FSIP1: variants seen among roughly 807,000 people sequenced by gnomAD.
FSIP1 encodes the protein fibrous sheath interacting protein 1.
FSIP1 carries 65 observed loss-of-function variants against 60.9 expected under a neutral mutation model. The observed-to-expected ratio is 1.07, with a 90% CI of 0.87 to 1.31. The LOEUF is 1.31. Among genes scored for constraint, FSIP1 ranks in the 40% most tolerant of loss-of-function variants. FSIP1 has a pLI of 0.00. For synonymous variants in FSIP1, 209 were observed against 221.2 expected, an observed-to-expected ratio of 0.94 and a Z score of 0.49; for missense variants, 675 against 665.5, an observed-to-expected ratio of 1.01 and a Z score of -0.16.
chr15:39,685,803 C>A (rs749145028), intron 10 of FSIP1, among the ~76,000 whole-genome samples: 2 of 152,108 alleles, frequency 1.3e-5, no homozygotes, highest in Non-Finnish European at 2.9e-5. Context: ...CAAGAAAGGC[C>A]TTTAATGAAA....
chr15:39,641,204 T>C (rs1490946094), intron 10 of FSIP1, among the ~76,000 whole-genome samples: 2 of 152,204 alleles, frequency 1.3e-5, no homozygotes, highest in Non-Finnish European at 2.9e-5. Context: ...AAAATTTTTC[T>C]ATGCCTAATT....
At chr15:39,642,363 A>G (rs548789748) in intron 10 of FSIP1, among the ~76,000 whole-genome samples, 1 of 152,268 alleles carries the variant, frequency 6.6e-6, no homozygotes, top group South Asian at 2.1e-4. Flanking sequence ...CCTAGCCTGG[A>G]GTGCTAGGCA....
Position 39,729,679 on chromosome 15 carries a change from C to A in FSIP1, c.892-2932G>T, listed in dbSNP as rs140048927. ...TAGACTGGATAAAGAAAATTTGGGA[C>A]ATACACACCATGGAATACTATGCAG... On this transcript the variant is annotated intron_variant, in intron 8 of 11. Coordinates refer to ENST00000350221, the MANE Select transcript of FSIP1 (RefSeq NM_152597.5). Among the ~76,000 whole-genome samples, 355 of 152,250 alleles carry A rather than the reference C, an allele frequency of 2.3e-3. 3 individuals are homozygous for A. Among genetic ancestry groups the A allele is most frequent in the African/African-American group, 8.2e-3 (340 of 41,528 alleles).
chr15:39,685,379 GGGGAAAA>G, intron 10 of FSIP1, among the ~76,000 whole-genome samples: 1 of 152,206 alleles, frequency 6.6e-6, no homozygotes, highest in South Asian at 2.1e-4. Flanking sequence ...AAATCCTCCT[GGGGAAAA>G]TTATTTTATA....
At chr15:39,621,434 A>G (rs1485066559) in intron 10 of FSIP1, among the ~76,000 whole-genome samples, 1 of 152,234 alleles carries the variant, frequency 6.6e-6, no homozygotes, top group Non-Finnish European at 1.5e-5. Context: ...TGGATAGGAA[A>G]GAAAACACAG....
chr15:39,750,530 A>G (rs181888758), intron 5 of FSIP1, among the ~76,000 whole-genome samples: 2 of 152,026 alleles, frequency 1.3e-5, no homozygotes, highest in Admixed American at 6.5e-5. Context: ...AGAAGACACA[A>G]TGGGGAAAAG....
At chr15:39,743,470 T>G (rs1896873152) in intron 5 of FSIP1, among the ~76,000 whole-genome samples, 1 of 152,322 alleles carries the variant, frequency 6.6e-6, no homozygotes, top group Admixed American at 6.5e-5. Context: ...CACATCTCCC[T>G]TTAGAAAATT....
At chr15:39,629,552 C>T (rs1173589131) in intron 10 of FSIP1, among the ~76,000 whole-genome samples, 2 of 152,194 alleles carry the variant, frequency 1.3e-5, no homozygotes, top group African/African-American at 4.8e-5. Context: ...CAGGCTGCCC[C>T]TCAGCCCTCT....
chr15:39,727,732 A>G (rs1320941312), intron 8 of FSIP1, among the ~76,000 whole-genome samples: 2 of 152,192 alleles, frequency 1.3e-5, no homozygotes, highest in Non-Finnish European at 2.9e-5. Flanking sequence ...CCTCAAGACA[A>G]GGATGCCCAC....
At chr15:39,740,617 C>T (rs544729681) in intron 6 of FSIP1, among the ~76,000 whole-genome samples, 10 of 152,026 alleles carry the variant, frequency 6.6e-5, no homozygotes, top group African/African-American at 2.2e-4. Context: ...AAAAAAACAC[C>T]AGTCACAAGC....
chr15:39,762,766 A>C (rs1897546090), intron 5 of FSIP1, among the ~76,000 whole-genome samples: 1 of 152,198 alleles, frequency 6.6e-6, no homozygotes, highest in South Asian at 2.1e-4. Flanking sequence ...TATCAATCAA[A>C]GTTGTTCCAG....
In FSIP1 at chr15:39,661,287, G is replaced by A. The variant is rs72727011; in HGVS notation, c.1189-43042C>T. Among the ~76,000 whole-genome samples the A allele has an allele frequency of 6.2e-3, 943 of 152,108 alleles. 4 individuals carry two copies. The highest frequency in any genetic ancestry group is 9.2e-3 in the Non-Finnish European group (625 of 67,996). ...TAGAACAGGGTTAACTTCTACTTAC[G>A]TCACATCCAAATGATGAGATGGCTT... On this transcript the variant is annotated intron_variant, in intron 10 of 11. Transcript: ENST00000350221.
At chr15:39,616,001 G>C (rs1380069128) in intron 11 of FSIP1, among the ~76,000 whole-genome samples, 1 of 152,100 alleles carries the variant, frequency 6.6e-6, no homozygotes, top group Non-Finnish European at 1.5e-5. Flanking sequence ...ATGTAAATTA[G>C]CTTAATTTAC....
chr15:39,686,261 T>G (rs1359263565), intron 10 of FSIP1, among the ~76,000 whole-genome samples: 1 of 152,120 alleles, frequency 6.6e-6, no homozygotes. Flanking sequence ...AAACCATATT[T>G]CCACCTCCAC....
At chr15:39,656,085 C>T (rs572432167) in intron 10 of FSIP1, among the ~76,000 whole-genome samples, 2 of 152,124 alleles carry the variant, frequency 1.3e-5, no homozygotes, top group South Asian at 4.2e-4. Context: ...GAGGGGAAGA[C>T]ATGAATAGGT....
intron 10 of FSIP1, among the ~76,000 whole-genome samples, chr15:39,633,203 C>A (rs989906363): frequency 1.3e-5 from 2 of 150,356 alleles, no homozygotes; most frequent in African/African-American, 4.9e-5. Flanking sequence ...CATTCTCCTA[C>A]CTCAGCATCC....
intron 10 of FSIP1, among the ~76,000 whole-genome samples, chr15:39,704,222 T>A (rs909761432): frequency 6.6e-6 from 1 of 152,260 alleles, no homozygotes; most frequent in Non-Finnish European, 1.5e-5. Context: ...GTTATTATTT[T>A]ATCCACATTT....
rs1890593121 is a variant in FSIP1, at chr15:39,600,276, G to C, written c.*604C>G. ...AATCTAAAAGGCCCAAACTCTGAAA[G>C]AAAATAAGAAACTATTGTTAACTAT... On this transcript the variant is annotated 3_prime_UTR_variant, in exon 12 of 12. Coordinates refer to ENST00000350221, the MANE Select transcript of FSIP1 (RefSeq NM_152597.5). 1 of 152,100 alleles carries C rather than the reference G, an allele frequency of 6.6e-6. No individual in the cohort carries two copies. The highest frequency in any genetic ancestry group is 1.5e-5 in the Non-Finnish European group (1 of 68,000). The allele number at this position is 152,100 out of a possible 1,614,324, so 9.4% of individuals were successfully genotyped here. A position where few individuals can be genotyped will look rare whatever the true frequency, so the allele number is the denominator to read the frequency against.
chr15:39,710,079 A>G (rs1460493066), intron 10 of FSIP1, among the ~76,000 whole-genome samples: 3 of 152,226 alleles, frequency 2.0e-5, no homozygotes, highest in Non-Finnish European at 4.4e-5. Flanking sequence ...GCGTTTTCAG[A>G]GTTTGAAACA....
Sources: allele counts gnomAD v4.1 joint callset (sites outside exome capture counted in the v4.1 genomes callset), GRCh38; gene constraint gnomAD v4.1.1; transcripts MANE v1.5; gene names NCBI Gene and HGNC (gene_info 2026-07-23, HGNC 2026-07-21).